The following BOLA3 variants were observed in gnomAD, a reference collection of about 807,000 sequenced individuals.
The protein encoded by BOLA3 is bolA family member 3.
A neutral mutation model predicts 14.5 loss-of-function variants in BOLA3; 8 were observed. The observed-to-expected ratio is 0.55, with a 90% CI of 0.32 to 0.99. BOLA3 has a LOEUF of 0.99. BOLA3 is among the 50% of genes least tolerant of loss of function. The pLI, the probability that BOLA3 is intolerant of heterozygous loss-of-function variation, is 0.04. For synonymous variants in BOLA3, 42 were observed against 45.7 expected, an observed-to-expected ratio of 0.92 and a Z score of 0.33; for missense variants, 115 against 138.2, an observed-to-expected ratio of 0.83 and a Z score of 0.84.
intron 3 of BOLA3, among the ~76,000 whole-genome samples, chr2:74,141,238 G>A (rs934513130): frequency 4.6e-5 from 7 of 152,270 alleles, no homozygotes; most frequent in Middle Eastern, 3.4e-3. Context: ...ACTGCAAAGG[G>A]CTACGTTCCA....
At chr2:74,139,491 C>T (rs528914518) in intron 3 of BOLA3, among the ~76,000 whole-genome samples, 2 of 152,096 alleles carry the variant, frequency 1.3e-5, no homozygotes, top group Admixed American at 6.5e-5. Flanking sequence ...CTGCCTCCTC[C>T]TAGGGCAGTG....
chr2:74,138,747 G>A (rs1395838238), intron 3 of BOLA3, among the ~76,000 whole-genome samples: 1 of 152,214 alleles, frequency 6.6e-6, no homozygotes, highest in Non-Finnish European at 1.5e-5. Context: ...CCCCTAAGCT[G>A]GAAAGAGGCC....
chr2:74,140,743 A>C (rs1022555397), intron 3 of BOLA3, among the ~76,000 whole-genome samples: 1 of 152,202 alleles, frequency 6.6e-6, no homozygotes, highest in Non-Finnish European at 1.5e-5. Context: ...CATTTATGGA[A>C]GGCTTACTAT....
chr2:74,136,307 G>A (rs1265495902), intron 3 of BOLA3, among the ~76,000 whole-genome samples: 1 of 152,130 alleles, frequency 6.6e-6, no homozygotes, highest in East Asian at 1.9e-4. Flanking sequence ...GCATATTCAA[G>A]CTAATATATT....
chr2:74,143,427 G>T (rs1692484432), intron 2 of BOLA3, among the ~76,000 whole-genome samples: 1 of 152,152 alleles, frequency 6.6e-6, no homozygotes, highest in Admixed American at 6.5e-5. Context: ...CCAAAGTGCT[G>T]GGATTACAGG....
intron 2 of BOLA3, 147 bp from the exon 3 acceptor site, chr2:74,142,507 A>G (rs1014800591): frequency 1.4e-5 from 10 of 707,552 alleles, no homozygotes; most frequent in South Asian, 7.7e-5. Flanking sequence ...GGAAAAGATC[A>G]TGGCTTCCAA....
chr2:74,147,583 C>T (rs1215581927), intron 1 of BOLA3: 5 of 571,910 alleles, frequency 8.7e-6, no homozygotes, highest in Non-Finnish European at 1.2e-5. Flanking sequence ...GACCTCCAAC[C>T]TCCACCCAGC....
chr2:74,141,549 C>T (rs776861119), intron 3 of BOLA3, among the ~76,000 whole-genome samples: 49 of 151,798 alleles, frequency 3.2e-4, no homozygotes, highest in African/African-American at 1.1e-3. Context: ...GGAGGGTGCA[C>T]GCAGAGAAGG....
At chr2:74,146,522 A>G (rs1369507802) in intron 1 of BOLA3, 2 of 152,396 alleles carry the variant, frequency 1.3e-5, no homozygotes, top group African/African-American at 4.8e-5. Context: ...CCTGCAGGAA[A>G]CAGTGCCTTC....
intron 3 of BOLA3, among the ~76,000 whole-genome samples, chr2:74,141,934 A>T (rs1312149775): frequency 6.6e-6 from 1 of 151,962 alleles, no homozygotes; most frequent in Non-Finnish European, 1.5e-5. Context: ...GAGGCCAAAA[A>T]ACCCCTCTTC....
chr2:74,144,928 A>C (rs571392495), intron 2 of BOLA3, among the ~76,000 whole-genome samples: 6 of 152,174 alleles, frequency 3.9e-5, no homozygotes, highest in Non-Finnish European at 8.8e-5. Context: ...GGTGACTGAG[A>C]GGGACCTTGT....
intron 3 of BOLA3, among the ~76,000 whole-genome samples, chr2:74,140,664 C>T (rs985457321): frequency 3.3e-5 from 5 of 152,206 alleles, no homozygotes; most frequent in African/African-American, 1.2e-4. Flanking sequence ...GAATCACAGC[C>T]CTTCCCCACC....
chr2:74,145,113 C>T (rs1414748886), intron 2 of BOLA3, 76 bp downstream of exon 2: 2 of 849,376 alleles, frequency 2.4e-6, no homozygotes, highest in Non-Finnish European at 4.1e-6. Context: ...CCCCCTCCTC[C>T]AAGCCCCTGA....
chr2:74,142,636 T>C (rs564804925), intron 2 of BOLA3, among the ~76,000 whole-genome samples: 1 of 152,256 alleles, frequency 6.6e-6, no homozygotes, highest in East Asian at 1.9e-4. Flanking sequence ...GCACAAAGCA[T>C]GGACAACCTA....
At chr2:74,141,090 C>T (rs924154189) in intron 3 of BOLA3, among the ~76,000 whole-genome samples, 1 of 152,194 alleles carries the variant, frequency 6.6e-6, no homozygotes, top group African/African-American at 2.4e-5. Context: ...ATCTGGCCAG[C>T]CAGGTCTTCC....
intron 3 of BOLA3, among the ~76,000 whole-genome samples, chr2:74,136,728 T>C (rs1692339000): frequency 6.6e-6 from 1 of 152,264 alleles, no homozygotes; most frequent in Non-Finnish European, 1.5e-5. Context: ...ACTTTTAGGC[T>C]GTTTCCTGTG....
Position 74,135,609 on chromosome 2 carries a change from G to A in BOLA3, c.308C>T (p.Ser103Phe). 1 of 1,614,166 alleles carries A rather than the reference G, an allele frequency of 6.2e-7. No individual in the cohort carries two copies. Among genetic ancestry groups the A allele is most frequent in the African/African-American group, 1.3e-5 (1 of 75,056 alleles). ...KEMHGLRIFT[S>F]VPKR ...AGGGCGTGGTCAGCGTTTGGGGACAGAGGTAAATATCCGCAATCCATGCAT... is the reference window on the plus strand; with the variant it reads ...AGGGCGTGGTCAGCGTTTGGGGACAAAGGTAAATATCCGCAATCCATGCAT... The change falls in exon 4 of 4, where the codon TCT (serine) becomes TTT (phenylalanine). Residue 103 changes from serine to phenylalanine, a missense_variant. Coordinates refer to ENST00000327428, the MANE Select transcript of BOLA3 (RefSeq NM_212552.3).
At chr2:74,143,162 CTTTT>C (rs11420248) in intron 2 of BOLA3, among the ~76,000 whole-genome samples, 1 of 149,126 alleles carries the variant, frequency 6.7e-6, no homozygotes, top group Non-Finnish European at 1.5e-5. Context: ...TGCTCTGCTT[CTTTT>C]TTTTTTTGAG....
chr2:74,136,596 C>G (rs962118228), intron 3 of BOLA3, among the ~76,000 whole-genome samples: 17 of 152,282 alleles, frequency 1.1e-4, no homozygotes, highest in African/African-American at 3.9e-4. Context: ...GCTCTTCCCC[C>G]AAACATCTAT....
Sources: gnomAD v4.1 joint callset for allele counts (sites outside exome capture counted in the v4.1 genomes callset) on GRCh38, gnomAD v4.1.1 for gene constraint, MANE v1.5 for transcripts, NCBI Gene and HGNC (gene_info 2026-07-23, HGNC 2026-07-21) for gene names.